Variants in UNC13C observed in about 807,000 individuals in gnomAD.
UNC13C encodes the protein protein unc-13 homolog C.
A neutral mutation model predicts 245.4 loss-of-function variants in UNC13C; 174 were observed. The observed-to-expected ratio is 0.71, with a 90% CI of 0.63 to 0.80. The LOEUF is 0.80. Ranked by LOEUF, UNC13C falls within the 30% of genes least tolerant of loss-of-function variation. The pLI is 0.00. For missense variants in UNC13C, 2,829 were observed against 2,602.9 expected (o/e 1.09, Z -1.89); for synonymous variants, 992 against 895.1 (o/e 1.11, Z -1.93).
At chr15:53,931,316 G>A in the UNC13C span, among the ~76,000 whole-genome samples, 4 of 152,022 alleles carry the variant, frequency 2.6e-5, no homozygotes, top group East Asian at 5.8e-4. Flanking sequence ...TCACAGGGGC[G>A]TGCTACCACA....
At chr15:54,071,701 T>G (rs1305159170) in intron 2 of UNC13C, among the ~76,000 whole-genome samples, 1 of 152,198 alleles carries the variant, frequency 6.6e-6, no homozygotes, top group Non-Finnish European at 1.5e-5. Context: ...ATATGAAAAT[T>G]GCATACAATT....
intron 1 of UNC13C, among the ~76,000 whole-genome samples, chr15:53,987,976 G>T (rs1595682215): frequency 6.6e-6 from 1 of 152,080 alleles, no homozygotes; most frequent in Non-Finnish European, 1.5e-5. Flanking sequence ...AGTTTCAGAC[G>T]AGATGGGTTT....
Position 54,415,021 on chromosome 15 carries a change from A to C in UNC13C, c.4887A>C (p.Glu1629Asp). ...QELNMGKISA[E>D]IMWTLFALDM... is the part of the protein sequence containing the mutation. ...TGAACATGGGAAAAATAAGTGCCGA[A>C]ATTATGTGGACTCTTTTTGCTCTGG... Residue 1629 changes from glutamate to aspartate, a missense_variant, in exon 19 of 33, where the codon GAA becomes GAC. Coordinates refer to ENST00000260323, the MANE Select transcript of UNC13C (RefSeq NM_001080534.3). 1 of 1,612,896 alleles carries C rather than the reference A, an allele frequency of 6.2e-7. No individual in the cohort carries two copies. Among genetic ancestry groups the C allele is most frequent in the Non-Finnish European group, 8.5e-7 (1 of 1,179,438 alleles).
At position 54,504,431 on chromosome 15, in the gene UNC13C, C is replaced by T. The variant is rs1270897929; in HGVS notation, c.5302-2686C>T. On this transcript the variant is annotated intron_variant, in intron 22 of 32. Transcript: ENST00000260323. ...GGGTACTATTATTTTCCCTAATTTC[C>T]ATCCATGATGAAACAGACTAAAAAC... is the stretch of plus-strand genomic sequence containing the variant. Among the ~76,000 whole-genome samples the T allele has an allele frequency of 9.9e-5, 15 of 152,198 alleles. No homozygotes were observed. The East Asian group carries it at 2.9e-3, about 29-fold the overall frequency.
At chr15:53,928,475 G>A in the UNC13C span, among the ~76,000 whole-genome samples, 1 of 152,274 alleles carries the variant, frequency 6.6e-6, no homozygotes, top group East Asian at 1.9e-4. Flanking sequence ...TTGGGCATTA[G>A]GGCCATTATG....
chr15:54,161,241 G>C (rs113187219), intron 4 of UNC13C, among the ~76,000 whole-genome samples: 1 of 152,096 alleles, frequency 6.6e-6, no homozygotes, highest in Non-Finnish European at 1.5e-5. Context: ...CGAGACCACA[G>C]GTGCATGCTA....
chr15:53,908,407 A>T, the UNC13C span, among the ~76,000 whole-genome samples: 5 of 146,428 alleles, frequency 3.4e-5, 1 homozygote, highest in Admixed American at 1.4e-4. Context: ...ACACACAAAA[A>T]TGAAATGGTC....
chr15:54,049,397 T>C (rs1191162704), intron 2 of UNC13C: 1 of 511,468 alleles, frequency 2.0e-6, no homozygotes, highest in African/African-American at 2.0e-5. Flanking sequence ...GTTCCTTCTT[T>C]GAGATCAAAT....
intron 19 of UNC13C, among the ~76,000 whole-genome samples, chr15:54,493,454 G>A (rs1893812554): frequency 6.6e-6 from 1 of 151,822 alleles, no homozygotes; most frequent in Admixed American, 6.6e-5. Flanking sequence ...TCATTGTTCA[G>A]ATAATTTGGA....
Position 54,297,724 on chromosome 15 carries a change from T to C in UNC13C, c.3989-87T>C. ...TTTAGCTACTTAAGCCGTTTTTTTG[T>C]TTTTTTGTTTTTTAGCTTTTGAGAG... On this transcript the variant is annotated intron_variant, in intron 11 of 32. Coordinates refer to ENST00000260323, the MANE Select transcript of UNC13C (RefSeq NM_001080534.3). 2.9e-6 allele frequency: 3 copies of C among 1,019,796 alleles called. No homozygotes were observed. In the South Asian group the frequency reaches 4.4e-5, roughly 15 times the overall value. 63.2% of individuals were successfully genotyped at this position (1,019,796 alleles called of 1,614,324 possible). A position where few individuals can be genotyped will look rare whatever the true frequency, so the allele number is the denominator to read the frequency against.
At chr15:54,468,571 A>G (rs1892298980) in intron 19 of UNC13C, among the ~76,000 whole-genome samples, 1 of 151,596 alleles carries the variant, frequency 6.6e-6, no homozygotes, top group Non-Finnish European at 1.5e-5. Flanking sequence ...TAGAAGTTTT[A>G]CAGTTTCATG....
chr15:54,321,737 C>T (rs1025892661), intron 13 of UNC13C, among the ~76,000 whole-genome samples: 2 of 151,980 alleles, frequency 1.3e-5, no homozygotes, highest in Admixed American at 1.3e-4. Context: ...GGGCAAATTA[C>T]ACTCTAATTA....
intron 2 of UNC13C, among the ~76,000 whole-genome samples, chr15:54,115,944 C>G (rs764785617): frequency 3.3e-5 from 5 of 151,468 alleles, no homozygotes; most frequent in Non-Finnish European, 7.4e-5. Context: ...TATCAAGGAC[C>G]GCTTTCCAAA....
At chr15:54,563,210 A>G (rs983706612) in intron 29 of UNC13C, among the ~76,000 whole-genome samples, 14 of 151,996 alleles carry the variant, frequency 9.2e-5, no homozygotes, top group African/African-American at 3.1e-4. Context: ...TTGTCATCCA[A>G]TGTAACAACT....
intron 30 of UNC13C, among the ~76,000 whole-genome samples, chr15:54,569,400 T>C (rs1897654011): frequency 6.6e-6 from 1 of 151,478 alleles, no homozygotes; most frequent in Non-Finnish European, 1.5e-5. Flanking sequence ...ATGTAGAATA[T>C]GAAAAATGTA....
the UNC13C span, among the ~76,000 whole-genome samples, chr15:53,874,742 T>C: frequency 1.6e-4 from 24 of 152,316 alleles, no homozygotes; most frequent in South Asian, 3.3e-3. Flanking sequence ...GTACTGCTGG[T>C]ACCACTCACT....
chr15:54,495,874 A>G (rs1474348877), intron 20 of UNC13C, among the ~76,000 whole-genome samples: 1 of 151,932 alleles, frequency 6.6e-6, no homozygotes, highest in African/African-American at 2.4e-5. Flanking sequence ...TACAAAGTAT[A>G]TAAGAAGTAA....
chr15:54,026,762 A>G (rs1364171819), intron 2 of UNC13C, among the ~76,000 whole-genome samples: 1 of 152,096 alleles, frequency 6.6e-6, no homozygotes, highest in African/African-American at 2.4e-5. Context: ...CCTCTGTCAA[A>G]CCTAGACTGT....
At chr15:54,217,847 G>C (rs2035089187) in intron 4 of UNC13C, among the ~76,000 whole-genome samples, 1 of 151,772 alleles carries the variant, frequency 6.6e-6, no homozygotes, top group Non-Finnish European at 1.5e-5. Context: ...TCTGACTTCT[G>C]CCAGGTCCGT....
Sources: allele counts gnomAD v4.1 joint callset (sites outside exome capture counted in the v4.1 genomes callset), GRCh38; gene constraint gnomAD v4.1.1; transcripts MANE v1.5; gene names NCBI Gene and HGNC (gene_info 2026-07-23, HGNC 2026-07-21).